Variants in FGF12 observed in about 807,000 individuals in gnomAD.
The protein encoded by FGF12 is fibroblast growth factor 12.
A neutral mutation model predicts 23.6 loss-of-function variants in FGF12; 14 were observed. The observed-to-expected ratio is 0.59, with a 90% confidence interval of 0.39 to 0.93. The LOEUF (loss-of-function observed/expected upper bound fraction) is 0.93. Ranked by LOEUF, FGF12 falls within the 40% of genes least tolerant of loss-of-function variation. FGF12 has a pLI of 0.00. For synonymous variants in FGF12, 62 were observed against 77.3 expected (o/e 0.80, Z 1.04); for missense variants, 175 against 217.8 (o/e 0.80, Z 1.24).
chr3:192,445,719 T>A (rs1228466837), intron 2 of FGF12, among the ~76,000 whole-genome samples: 1 of 152,140 alleles, frequency 6.6e-6, no homozygotes. Flanking sequence ...AAAGAGTTCA[T>A]CCCAAACTCT....
At chr3:192,205,942 T>TA (rs1223997337) in intron 4 of FGF12, among the ~76,000 whole-genome samples, 1 of 152,206 alleles carries the variant, frequency 6.6e-6, no homozygotes, top group African/African-American at 2.4e-5. Flanking sequence ...GAGGAGGTGT[T>TA]ACTATTGTGC....
intron 2 of FGF12, among the ~76,000 whole-genome samples, chr3:192,694,649 CAT>C (rs1159016746): frequency 1.3e-5 from 2 of 151,090 alleles, no homozygotes; most frequent in Non-Finnish European, 2.9e-5. Flanking sequence ...CATATATATA[CAT>C]ATATATGTAC....
At chr3:192,261,583 G>A (rs1052116099) in intron 4 of FGF12, among the ~76,000 whole-genome samples, 1 of 152,186 alleles carries the variant, frequency 6.6e-6, no homozygotes, top group African/African-American at 2.4e-5. Context: ...GAGATGTCAT[G>A]GCTCCGCCAG....
chr3:192,662,127 G>A (rs1347468721), intron 2 of FGF12, among the ~76,000 whole-genome samples: 1 of 152,158 alleles, frequency 6.6e-6, no homozygotes, highest in East Asian at 1.9e-4. Flanking sequence ...GAAAAGAAAA[G>A]GAAAGGTAAG....
At chr3:192,656,003 T>C (rs2886788) in intron 2 of FGF12, among the ~76,000 whole-genome samples, 112,418 of 142,634 alleles carry the variant, frequency 0.79, 44,497 homozygotes, top group African/African-American at 0.94. Context: ...AAACGTTACA[T>C]GCCAGAAAAG....
intron 2 of FGF12, among the ~76,000 whole-genome samples, chr3:192,366,848 T>C (rs1020660465): frequency 9.2e-5 from 14 of 151,946 alleles, no homozygotes; most frequent in East Asian, 3.9e-4. Context: ...TCCAAAGAAA[T>C]AAGAAGCAGC....
chr3:192,649,386 T>C, intron 2 of FGF12, among the ~76,000 whole-genome samples: 1 of 152,110 alleles, frequency 6.6e-6, no homozygotes, highest in East Asian at 1.9e-4. Flanking sequence ...ATTCATTGAC[T>C]TCTCCTTAAG....
chr3:192,561,146 C>T (rs889370942), intron 2 of FGF12, among the ~76,000 whole-genome samples: 3 of 151,810 alleles, frequency 2.0e-5, no homozygotes, highest in Non-Finnish European at 4.4e-5. Flanking sequence ...TATATATATG[C>T]CATATATACA....
At chr3:192,363,976 G>A (rs558245025) in intron 2 of FGF12, among the ~76,000 whole-genome samples, 2 of 152,330 alleles carry the variant, frequency 1.3e-5, no homozygotes, top group South Asian at 2.1e-4. Flanking sequence ...TGGGAGAGCT[G>A]ATAAATAAGG....
chr3:192,453,646 AT>A (rs1166208183), intron 2 of FGF12, among the ~76,000 whole-genome samples: 2 of 151,810 alleles, frequency 1.3e-5, no homozygotes, highest in African/African-American at 2.4e-5. Flanking sequence ...GAATATTTGC[AT>A]TTTTTTTGTC....
At chr3:192,439,724 C>G (rs924016941) in intron 2 of FGF12, among the ~76,000 whole-genome samples, 3 of 152,104 alleles carry the variant, frequency 2.0e-5, no homozygotes, top group Non-Finnish European at 4.4e-5. Flanking sequence ...CGCCTGTAAT[C>G]CCAGCACTTT....
chr3:192,575,713 T>G (rs1033079135), intron 2 of FGF12, among the ~76,000 whole-genome samples: 1 of 152,056 alleles, frequency 6.6e-6, no homozygotes, highest in African/African-American at 2.4e-5. Context: ...TAATTCAGAC[T>G]GATTTTTTTT....
chr3:192,529,927 G>C (rs1002142786), intron 2 of FGF12, among the ~76,000 whole-genome samples: 1 of 151,606 alleles, frequency 6.6e-6, no homozygotes, highest in Non-Finnish European at 1.5e-5. Context: ...ATATCAGTGA[G>C]GTGCATGAGA....
intron 3 of FGF12, among the ~76,000 whole-genome samples, chr3:192,342,558 C>T (rs1717743774): frequency 6.6e-6 from 1 of 152,062 alleles, no homozygotes; most frequent in African/African-American, 2.4e-5. Context: ...ATCACTTGAG[C>T]CCAGGAGTTT....
chr3:192,303,240 T>C (rs2108661728), intron 4 of FGF12, among the ~76,000 whole-genome samples: 1 of 152,296 alleles, frequency 6.6e-6, no homozygotes, highest in African/African-American at 2.4e-5. Context: ...AAAAATGGGC[T>C]TCACAAAAAG....
At chr3:192,207,575 A>G (rs754850837) in intron 4 of FGF12, among the ~76,000 whole-genome samples, 53 of 152,176 alleles carry the variant, frequency 3.5e-4, no homozygotes, top group Admixed American at 2.8e-3. Context: ...GTGTGGCTAG[A>G]GCATATGGCA....
chr3:192,154,960 A>G lies in FGF12; in HGVS notation c.428-10833T>C, dbSNP rs374103125. Reference sequence around the variant, plus strand: ...ATCTCAGACTGCTGTGCTAGCAATCAGCGAGATTCCGTGGGCGTAGGACCC... The same window carrying G: ...ATCTCAGACTGCTGTGCTAGCAATCGGCGAGATTCCGTGGGCGTAGGACCC... On this transcript the variant is annotated intron_variant, in intron 5 of 5. Transcript: ENST00000445105. 6.1e-4 allele frequency among the ~76,000 whole-genome samples: 82 copies of G among 133,834 alleles called. No homozygotes were observed. In the East Asian group the frequency reaches 0.017, roughly 28 times the overall value. The allele number at this position is 133,834 out of a possible 152,430, so 87.8% of individuals were successfully genotyped here.
At chr3:192,338,671 G>A (rs535440482) in intron 3 of FGF12, among the ~76,000 whole-genome samples, 1 of 152,272 alleles carries the variant, frequency 6.6e-6, no homozygotes, top group East Asian at 1.9e-4. Context: ...GGGTCCCTGA[G>A]AGCTTTGTGG....
intron 4 of FGF12, among the ~76,000 whole-genome samples, chr3:192,207,955 A>G (rs1045596518): frequency 1.3e-5 from 2 of 152,168 alleles, no homozygotes; most frequent in African/African-American, 2.4e-5. Flanking sequence ...AGGGCCAGAT[A>G]AATTACAGGG....
Sources: allele counts gnomAD v4.1 joint callset (sites outside exome capture counted in the v4.1 genomes callset), GRCh38; gene constraint gnomAD v4.1.1; transcripts MANE v1.5; gene names NCBI Gene and HGNC (gene_info 2026-07-23, HGNC 2026-07-21).